CSMD3: variants seen among roughly 807,000 people sequenced by gnomAD.
The protein encoded by CSMD3 is CUB and Sushi multiple domains 3, also known as CUB and sushi domain-containing protein 3.
Under a neutral mutation model 435.2 loss-of-function variants are expected in CSMD3, and 177 were observed. The observed-to-expected ratio is 0.41, with a 90% CI of 0.36 to 0.46. The LOEUF is 0.46. Ranked by LOEUF, CSMD3 falls within the 20% of genes least tolerant of loss-of-function variation. The pLI is 0.34. For synonymous variants in CSMD3, 1,656 were observed against 1,520.5 expected, an observed-to-expected ratio of 1.09 and a Z score of -2.07; for missense variants, 4,265 against 4,504.6, an observed-to-expected ratio of 0.95 and a Z score of 1.52.
intron 13 of CSMD3, among the ~76,000 whole-genome samples, chr8:112,699,488 T>G (rs1587003256): frequency 6.6e-6 from 1 of 152,126 alleles, no homozygotes; most frequent in Non-Finnish European, 1.5e-5. Context: ...AAAACTAACA[T>G]CTGGCAACCA....
intron 11 of CSMD3, among the ~76,000 whole-genome samples, chr8:112,852,208 C>G (rs1324206141): frequency 6.6e-6 from 1 of 152,138 alleles, no homozygotes; most frequent in African/African-American, 2.4e-5. Flanking sequence ...GATTTCCAAT[C>G]ACTAACACCA....
intron 24 of CSMD3, among the ~76,000 whole-genome samples, chr8:112,570,534 A>G (rs1829418815): frequency 6.6e-6 from 1 of 152,206 alleles, no homozygotes; most frequent in Non-Finnish European, 1.5e-5. Context: ...CACAAAATAG[A>G]AAGTAGCCTG....
At chr8:113,399,432 T>C (rs1188105892) in intron 1 of CSMD3, among the ~76,000 whole-genome samples, 2 of 151,828 alleles carry the variant, frequency 1.3e-5, no homozygotes, top group Non-Finnish European at 2.9e-5. Context: ...GTTCATTAAC[T>C]GACAAATGTC....
At chr8:112,473,514 G>A (rs1818729324) in intron 31 of CSMD3, among the ~76,000 whole-genome samples, 1 of 152,032 alleles carries the variant, frequency 6.6e-6, no homozygotes. Context: ...AGACACCAAA[G>A]GTTTAAAATC....
At chr8:113,138,951 T>C (rs2091483904) in intron 4 of CSMD3, among the ~76,000 whole-genome samples, 1 of 151,152 alleles carries the variant, frequency 6.6e-6, no homozygotes, top group Non-Finnish European at 1.5e-5. Context: ...TGTTTACAAA[T>C]ACTTTTATTT....
intron 11 of CSMD3, among the ~76,000 whole-genome samples, chr8:112,846,712 T>G (rs1587464033): frequency 6.6e-6 from 1 of 152,024 alleles, no homozygotes; most frequent in African/African-American, 2.4e-5. Context: ...GGCCTCATTT[T>G]TTCTTTATTG....
intron 2 of CSMD3, among the ~76,000 whole-genome samples, chr8:113,297,576 G>A (rs890083622): frequency 6.6e-6 from 1 of 151,898 alleles, no homozygotes; most frequent in Non-Finnish European, 1.5e-5. Context: ...ATTTAAACTA[G>A]TAGTCATTTC....
chr8:112,459,634 A>T (rs1372952151), intron 32 of CSMD3, among the ~76,000 whole-genome samples: 1 of 152,176 alleles, frequency 6.6e-6, no homozygotes, highest in Non-Finnish European at 1.5e-5. Flanking sequence ...TATACTAACA[A>T]GAACAATTAA....
At chr8:112,372,606 T>A (rs191063850) in intron 38 of CSMD3, among the ~76,000 whole-genome samples, 1 of 152,050 alleles carries the variant, frequency 6.6e-6, no homozygotes, top group African/African-American at 2.4e-5. Flanking sequence ...TCTTAGCACT[T>A]TGGGAGGCCG....
At chr8:112,979,694 T>C (rs547844270) in intron 6 of CSMD3, among the ~76,000 whole-genome samples, 2 of 151,566 alleles carry the variant, frequency 1.3e-5, no homozygotes, top group South Asian at 4.2e-4. Flanking sequence ...CAGTTAAATG[T>C]ATATATTACA....
chr8:112,391,517 C>G (rs936628633), intron 35 of CSMD3, among the ~76,000 whole-genome samples: 1 of 152,008 alleles, frequency 6.6e-6, no homozygotes, highest in Non-Finnish European at 1.5e-5. Context: ...TATGGTGAAA[C>G]CCCGTCTCTA....
At chr8:113,141,651 A>G (rs1166734870) in intron 4 of CSMD3, among the ~76,000 whole-genome samples, 1 of 151,020 alleles carries the variant, frequency 6.6e-6, no homozygotes, top group Non-Finnish European at 1.5e-5. Flanking sequence ...GATTTAAAAA[A>G]ACTCAGAAAA....
intron 1 of CSMD3, among the ~76,000 whole-genome samples, chr8:113,337,512 T>C (rs2094085394): frequency 6.6e-6 from 1 of 152,118 alleles, no homozygotes; most frequent in Non-Finnish European, 1.5e-5. Flanking sequence ...AACAAATATA[T>C]AGCTAACATT....
At chr8:112,399,307 C>T (rs935244257) in intron 35 of CSMD3, among the ~76,000 whole-genome samples, 1 of 150,672 alleles carries the variant, frequency 6.6e-6, no homozygotes, top group Admixed American at 6.6e-5. Flanking sequence ...GTCAGCCAGG[C>T]TGGAGTGCAA....
intron 1 of CSMD3, among the ~76,000 whole-genome samples, chr8:113,326,811 C>T (rs543584604): frequency 6.6e-6 from 1 of 151,996 alleles, no homozygotes; most frequent in Non-Finnish European, 1.5e-5. Context: ...ATAACCCATT[C>T]CAAATTCATA....
intron 3 of CSMD3, among the ~76,000 whole-genome samples, chr8:113,205,060 T>C (rs1035941563): frequency 1.3e-5 from 2 of 151,882 alleles, no homozygotes; most frequent in African/African-American, 4.8e-5. Context: ...TTCGGCTCAC[T>C]GCAACCTCCA....
At chr8:112,856,220 G>A (rs1460270809) in intron 11 of CSMD3, among the ~76,000 whole-genome samples, 1 of 151,800 alleles carries the variant, frequency 6.6e-6, no homozygotes, top group African/African-American at 2.4e-5. Flanking sequence ...GCTTGTGGAA[G>A]GGGCATAAAT....
At chr8:113,370,320 G>C (rs2094339451) in intron 1 of CSMD3, among the ~76,000 whole-genome samples, 1 of 151,490 alleles carries the variant, frequency 6.6e-6, no homozygotes, top group South Asian at 2.1e-4. Context: ...GTGGCAAGTT[G>C]TTGAATATGA....
intron 12 of CSMD3, among the ~76,000 whole-genome samples, chr8:112,807,753 A>G (rs2079127030): frequency 6.6e-6 from 1 of 152,204 alleles, no homozygotes; most frequent in Non-Finnish European, 1.5e-5. Context: ...ACAGAGCTGC[A>G]AAAGCAACTG....
Sources: allele counts gnomAD v4.1 joint callset (sites outside exome capture counted in the v4.1 genomes callset), GRCh38; gene constraint gnomAD v4.1.1; transcripts MANE v1.5; gene names NCBI Gene and HGNC (gene_info 2026-07-23, HGNC 2026-07-21).